Variants in KLF12 observed in about 807,000 individuals in gnomAD.
KLF12 encodes Krueppel-like factor 12.
Under a neutral mutation model 37.8 loss-of-function variants are expected in KLF12, and 9 were observed. That is an observed-to-expected ratio of 0.24 (90% CI 0.14 to 0.42). The LOEUF (loss-of-function observed/expected upper bound fraction) is 0.42, where lower values mean the gene tolerates loss of function less well. KLF12 is among the 10% of genes least tolerant of loss of function. KLF12 has a pLI of 1.00. For missense variants in KLF12, 411 were observed against 516.0 expected (o/e 0.80, Z 1.97); for synonymous variants, 208 against 202.1 (o/e 1.03, Z -0.25).
At chr13:73,743,059 C>A (rs987244584) in intron 6 of KLF12, among the ~76,000 whole-genome samples, 1 of 151,590 alleles carries the variant, frequency 6.6e-6, no homozygotes, top group Non-Finnish European at 1.5e-5. Flanking sequence ...TCATCCCTTT[C>A]GTAGTCTTTT....
At chr13:74,123,174 C>T (rs1877736855) in intron 1 of KLF12, among the ~76,000 whole-genome samples, 1 of 151,856 alleles carries the variant, frequency 6.6e-6, no homozygotes, top group African/African-American at 2.4e-5. Context: ...ATCATAAATA[C>T]CTATCTGTGT....
intron 4 of KLF12, among the ~76,000 whole-genome samples, chr13:73,843,271 T>C (rs1263404471): frequency 6.6e-6 from 1 of 152,162 alleles, no homozygotes; most frequent in Non-Finnish European, 1.5e-5. Context: ...AATCATTTAT[T>C]GATAATTGAT....
At chr13:74,055,194 A>C (rs1873178107) in intron 1 of KLF12, among the ~76,000 whole-genome samples, 1 of 152,232 alleles carries the variant, frequency 6.6e-6, no homozygotes, top group Non-Finnish European at 1.5e-5. Context: ...TAACAAGTCA[A>C]ATTCTGCCCT....
At chr13:74,108,374 A>C (rs1034944054) in intron 1 of KLF12, among the ~76,000 whole-genome samples, 1 of 152,206 alleles carries the variant, frequency 6.6e-6, no homozygotes, top group Non-Finnish European at 1.5e-5. Context: ...TCATTTACAT[A>C]TTATTTTTCT....
intron 1 of KLF12, among the ~76,000 whole-genome samples, chr13:74,015,510 G>A (rs891144826): frequency 3.9e-5 from 6 of 152,170 alleles, no homozygotes; most frequent in Admixed American, 6.5e-5. Context: ...ACCCTAGTGC[G>A]CCCATGAGTT....
chr13:73,994,845 C>T, intron 2 of KLF12, 145 bp downstream of exon 2: 1 of 594,786 alleles, frequency 1.7e-6, no homozygotes, highest in Admixed American at 3.8e-5. Context: ...GGAAAAATTA[C>T]ATTTTACAGA....
the KLF12 span, among the ~76,000 whole-genome samples, chr13:74,176,656 G>A: frequency 6.6e-6 from 1 of 152,124 alleles, no homozygotes; most frequent in Admixed American, 6.5e-5. Flanking sequence ...GAGACATTCA[G>A]GTGCTGAATC....
chr13:73,804,664 C>T (rs1882465804), intron 5 of KLF12, among the ~76,000 whole-genome samples: 1 of 152,048 alleles, frequency 6.6e-6, no homozygotes, highest in Non-Finnish European at 1.5e-5. Context: ...TTTCTGACCT[C>T]CTTCAAAAAA....
At chr13:74,303,197 G>T in the KLF12 span, among the ~76,000 whole-genome samples, 112 of 152,212 alleles carry the variant, frequency 7.4e-4, no homozygotes, top group African/African-American at 2.4e-3. Flanking sequence ...AGAACTGAAA[G>T]CTCTTTGAGT....
intron 3 of KLF12, among the ~76,000 whole-genome samples, chr13:73,856,460 C>G (rs1846768958): frequency 6.6e-6 from 1 of 152,144 alleles, no homozygotes; most frequent in South Asian, 2.1e-4. Context: ...TCTTAAAATA[C>G]CTTAGAACTA....
At chr13:74,203,875 C>T in the KLF12 span, among the ~76,000 whole-genome samples, 8 of 152,006 alleles carry the variant, frequency 5.3e-5, no homozygotes, top group African/African-American at 1.9e-4. Context: ...TATGTGGTCC[C>T]CCAAGACTCT....
rs542596740 is a variant in KLF12, at chr13:73,839,179, A to G, written c.670+6648T>C. ...GTGATCTCAGCTCACTGCAACCTCT[A>G]TCTCCTGGGCTCAAGTGATCCTCCC... On this transcript the variant is annotated intron_variant, in intron 4 of 7. Transcript: ENST00000377669. Among the ~76,000 whole-genome samples, 123 of 147,950 alleles carry G rather than the reference A, an allele frequency of 8.3e-4. 1 individual carries two copies. The highest frequency in any genetic ancestry group is 3.6e-3 in the Middle Eastern group (1 of 278).
the KLF12 span, among the ~76,000 whole-genome samples, chr13:74,252,208 T>G: frequency 5.0e-3 from 767 of 152,364 alleles, 4 homozygotes; most frequent in African/African-American, 0.018. Context: ...TTGTTTACCC[T>G]AGAAAGGTTC....
chr13:73,772,625 C>G (rs559938567), intron 5 of KLF12, among the ~76,000 whole-genome samples: 1 of 152,140 alleles, frequency 6.6e-6, no homozygotes, highest in Non-Finnish European at 1.5e-5. Flanking sequence ...AAAGGTTTAG[C>G]GAGCCTGGAG....
the KLF12 span, among the ~76,000 whole-genome samples, chr13:74,182,349 G>A: frequency 6.6e-6 from 1 of 152,200 alleles, no homozygotes; most frequent in African/African-American, 2.4e-5. Flanking sequence ...TTGTCCAAGG[G>A]TGATTTTATT....
intron 1 of KLF12, among the ~76,000 whole-genome samples, chr13:74,073,063 G>A (rs1243086532): frequency 6.6e-6 from 1 of 152,198 alleles, no homozygotes; most frequent in Admixed American, 6.5e-5. Context: ...CCCTGCAGAT[G>A]CTCTCCTGCC....
the KLF12 span, among the ~76,000 whole-genome samples, chr13:74,275,866 C>CTTT: frequency 1.1e-5 from 1 of 91,092 alleles, no homozygotes; most frequent in African/African-American, 4.5e-5. Context: ...TTCTTTCTTT[C>CTTT]TATCTTTCTT....
chr13:74,274,698 T>C, the KLF12 span, among the ~76,000 whole-genome samples: 3 of 151,954 alleles, frequency 2.0e-5, no homozygotes, highest in Non-Finnish European at 4.4e-5. Context: ...TTTTTTTTTA[T>C]AATTGAAGTT....
chr13:73,800,093 GGTTAATCAAT>G (rs1204147080), intron 5 of KLF12: 6 of 152,010 alleles, frequency 3.9e-5, no homozygotes, highest in Admixed American at 1.3e-4. Flanking sequence ...CAAAATGAGA[GGTTAATCAAT>G]GTTAATTTGA....
Sources: gnomAD v4.1 joint callset for allele counts (sites outside exome capture counted in the v4.1 genomes callset) on GRCh38, gnomAD v4.1.1 for gene constraint, MANE v1.5 for transcripts, NCBI Gene and HGNC (gene_info 2026-07-23, HGNC 2026-07-21) for gene names.